Variants in RPRD2 observed in about 807,000 individuals in gnomAD.
RPRD2 encodes regulation of nuclear pre-mRNA domain-containing protein 2.
Under a neutral mutation model 104.4 loss-of-function variants are expected in RPRD2, and 12 were observed. The ratio of observed to expected loss-of-function variants is 0.11; its 90% CI spans 0.07 to 0.19. The LOEUF is 0.19. Ranked by LOEUF, RPRD2 falls within the 10% of genes least tolerant of loss-of-function variation. The pLI is 1.00. For synonymous variants in RPRD2, 714 were observed against 684.9 expected (o/e 1.04, Z -0.66); for missense variants, 1,543 against 1,790.1 (o/e 0.86, Z 2.49).
intron 1 of RPRD2, among the ~76,000 whole-genome samples, chr1:150,405,101 G>A (rs1553886226): frequency 6.6e-6 from 1 of 152,086 alleles, no homozygotes; most frequent in African/African-American, 2.4e-5. Context: ...TCCTTTGGAG[G>A]ATTTGGTATG....
At chr1:150,384,451 ATTATTATTATTAT>A (rs1265878970) in intron 1 of RPRD2, among the ~76,000 whole-genome samples, 1 of 27,712 alleles carries the variant, frequency 3.6e-5, no homozygotes, top group Non-Finnish European at 9.0e-5. Context: ...CATCATCATC[ATTATTATTATTAT>A]TATTATTATT....
intron 1 of RPRD2, among the ~76,000 whole-genome samples, chr1:150,378,379 A>C (rs1274873348): frequency 1.3e-5 from 2 of 152,202 alleles, no homozygotes; most frequent in East Asian, 3.8e-4. Flanking sequence ...ACAACTAATG[A>C]ACAATAGAGC....
At chr1:150,441,193 TG>T (rs1666383790) in intron 3 of RPRD2, 170 bp downstream of exon 3, 1 of 477,266 alleles carries the variant, frequency 2.1e-6, no homozygotes, top group South Asian at 3.9e-5. Flanking sequence ...TGAATTAAAA[TG>T]TAAGTAGAAT....
chr1:150,403,503 G>C (rs1553885856), intron 1 of RPRD2, among the ~76,000 whole-genome samples: 1 of 152,016 alleles, frequency 6.6e-6, no homozygotes, highest in East Asian at 1.9e-4. Flanking sequence ...CATGGTAATG[G>C]AATCATATAG....
intron 1 of RPRD2, among the ~76,000 whole-genome samples, chr1:150,380,896 C>G (rs782207147): frequency 1.1e-4 from 16 of 152,158 alleles, no homozygotes; most frequent in Non-Finnish European, 2.1e-4. Context: ...ACCTTGTGAT[C>G]TGCCCGGCTT....
intron 1 of RPRD2, among the ~76,000 whole-genome samples, chr1:150,379,506 G>A (rs1019554429): frequency 1.3e-5 from 2 of 151,800 alleles, no homozygotes; most frequent in African/African-American, 2.4e-5. Flanking sequence ...AGGTTCAAGC[G>A]ATTCACCTGC....
At chr1:150,408,921 T>C (rs929321941) in intron 1 of RPRD2, 2 of 152,202 alleles carry the variant, frequency 1.3e-5, no homozygotes, top group African/African-American at 4.8e-5. Context: ...ACATCTCAGA[T>C]CTTTGGACTC....
chr1:150,416,696 C>A (rs1302941356), intron 1 of RPRD2, among the ~76,000 whole-genome samples: 1 of 151,502 alleles, frequency 6.6e-6, no homozygotes, highest in Admixed American at 6.6e-5. Flanking sequence ...ATAATAAAAC[C>A]CTATCTCTAC....
chr1:150,464,381 T>TTC, intron 9 of RPRD2, 146 bp from the exon 10 acceptor site: 2 of 509,082 alleles, frequency 3.9e-6, no homozygotes, highest in Non-Finnish European at 3.4e-6. Flanking sequence ...TTTTTTTTTG[T>TTC]ACATGTCATG....
At chr1:150,378,979 T>TAAAAAAA in intron 1 of RPRD2, among the ~76,000 whole-genome samples, 1 of 84,040 alleles carries the variant, frequency 1.2e-5, no homozygotes, top group Non-Finnish European at 2.2e-5. Context: ...GAGACTTCAT[T>TAAAAAAA]AAAAAAAAAA....
intron 1 of RPRD2, among the ~76,000 whole-genome samples, chr1:150,383,503 G>C (rs1256803218): frequency 6.6e-6 from 1 of 151,836 alleles, no homozygotes; most frequent in Non-Finnish European, 1.5e-5. Context: ...TTTTAGTACA[G>C]ACGGGGTTTT....
intron 1 of RPRD2, among the ~76,000 whole-genome samples, chr1:150,416,427 G>A (rs1664330416): frequency 1.3e-5 from 2 of 152,104 alleles, no homozygotes; most frequent in South Asian, 2.1e-4. Context: ...GGAGGTCACC[G>A]AATGTGAGGT....
At chr1:150,407,790 A>G (rs1470461718) in intron 1 of RPRD2, among the ~76,000 whole-genome samples, 5 of 152,204 alleles carry the variant, frequency 3.3e-5, no homozygotes, top group Admixed American at 2.0e-4. Flanking sequence ...TAAATATTCA[A>G]GTGACACTGC....
At chr1:150,440,368 A>G (rs1216524612) in intron 2 of RPRD2, among the ~76,000 whole-genome samples, 4 of 152,224 alleles carry the variant, frequency 2.6e-5, no homozygotes, top group Non-Finnish European at 5.9e-5. Context: ...GTGCCCAGCC[A>G]ACATTGTTTA....
rs147265300 is a variant in RPRD2, at chr1:150,434,774, G to A, written c.336-6149G>A. ...GGAGGTTGCAGTGAGCCAGGATCAC[G>A]CCACTGCACTCCAGTCTGGGTGACA... On this transcript the variant is annotated intron_variant, in intron 2 of 10. Coordinates refer to ENST00000369068, the MANE Select transcript of RPRD2 (RefSeq NM_015203.5). Among the ~76,000 whole-genome samples, 567 of 152,206 alleles carry A rather than the reference G, an allele frequency of 3.7e-3. 5 individuals carry two copies. The highest frequency in any genetic ancestry group is 0.013 in the African/African-American group (538 of 41,532).
intron 1 of RPRD2, among the ~76,000 whole-genome samples, chr1:150,381,899 G>T (rs1490558916): frequency 3.3e-5 from 5 of 152,090 alleles, no homozygotes; most frequent in Admixed American, 3.3e-4. Flanking sequence ...CATGGGCTTC[G>T]ATCTCAAATA....
Position 150,472,829 on chromosome 1 carries a change from C to T in RPRD2, c.3881C>T (p.Pro1294Leu), listed in dbSNP as rs746053445. The change falls in exon 11 of 11, where the codon CCT becomes CTT. Residue 1294 changes from proline (P) to leucine (L), a missense_variant. Pro to Leu is a moderately conservative substitution (Grantham distance 98, BLOSUM62 -3). Transcript: ENST00000369068. ...GGTGTCCCCTTTTCTACTCCACCCCCTCCTCCACCCCCTGTTGACCACTCT... is the reference window on the plus strand; with the variant it reads ...GGTGTCCCCTTTTCTACTCCACCCCTTCCTCCACCCCCTGTTGACCACTCT... ...GSGVPFSTPP[P>L]PPPPVDHSGV... 1.2e-6 allele frequency: 2 copies of T among 1,610,188 alleles called. No individual in the cohort carries two copies. Among genetic ancestry groups the T allele is most frequent in the Non-Finnish European group, 1.7e-6 (2 of 1,177,288 alleles).
Position 150,460,152 on chromosome 1 carries a change from T to G in RPRD2, c.1246T>G (p.Cys416Gly), listed in dbSNP as rs1553898504. Residue 416 changes from cysteine to glycine, a missense_variant, in exon 9 of 11, where the codon TGT becomes GGT. Physicochemically the swap from Cys to Gly is radical, Grantham distance 159. Around this residue, in one of 4 missense-constraint regions of RPRD2, gnomAD observed 572 missense variants for 787.3 expected, o/e 0.73. Coordinates refer to ENST00000369068, the MANE Select transcript of RPRD2 (RefSeq NM_015203.5). ...PTENISKASSCTPVPVTMTAT... is the reference protein window; with the variant it reads ...PTENISKASSGTPVPVTMTAT... ...AGAAAATATCTCAAAGGCCTCTTCA[T>G]GTACCCCAGTGCCTGTGACCATGAC... The G allele has an allele frequency of 1.2e-6, 2 of 1,613,898 alleles. No homozygotes were observed. Among genetic ancestry groups the G allele is most frequent in the African/African-American group, 2.7e-5 (2 of 74,936 alleles).
intron 1 of RPRD2, among the ~76,000 whole-genome samples, chr1:150,409,944 C>CT (rs1663778967): frequency 6.6e-6 from 1 of 152,112 alleles, no homozygotes; most frequent in Admixed American, 6.6e-5. Flanking sequence ...CGCACCTGGC[C>CT]TGATGTTGCA....
Sources: gnomAD v4.1 joint callset for allele counts (sites outside exome capture counted in the v4.1 genomes callset) on GRCh38, gnomAD v4.1.1 for gene constraint, gnomAD v4.1.1 regional missense constraint, MANE v1.5 for transcripts, NCBI Gene and HGNC (gene_info 2026-07-23, HGNC 2026-07-21) for gene names.